Variants in PARP4 observed in about 807,000 individuals in gnomAD.
PARP4 encodes the protein poly(ADP-ribose) polymerase family member 4.
Under a neutral mutation model 187.7 loss-of-function variants are expected in PARP4, and 120 were observed. That is an observed-to-expected ratio of 0.64 (90% CI 0.55 to 0.74). The LOEUF is 0.74. Ranked by LOEUF, PARP4 falls within the 30% of genes least tolerant of loss-of-function variation. The pLI is 0.00. For synonymous variants in PARP4, 654 were observed against 740.9 expected (o/e 0.88, Z 1.90); for missense variants, 1,836 against 2,070.5 (o/e 0.89, Z 2.20).
chr13:24,457,793 A>AAAAAAAAAAAAAAAAAAAAAG (rs1566000254), intron 20 of PARP4, among the ~76,000 whole-genome samples: 8 of 148,510 alleles, frequency 5.4e-5, no homozygotes, highest in African/African-American at 2.0e-4. Context: ...AAAAAAAAAA[A>AAAAAAAAAAAAAAAAAAAAAG]AAAGAAAAAA....
intron 14 of PARP4, 122 bp from the exon 15 acceptor site, chr13:24,475,718 A>G (rs1442203797): frequency 1.2e-5 from 12 of 970,194 alleles, no homozygotes; most frequent in Non-Finnish European, 1.9e-5. Flanking sequence ...GGCAAATAGC[A>G]TTTTATGATT....
chr13:24,493,121 CTTT>C (rs1214903894), intron 8 of PARP4, among the ~76,000 whole-genome samples: 1 of 152,190 alleles, frequency 6.6e-6, no homozygotes, highest in South Asian at 2.1e-4. Flanking sequence ...GGGGTATCTT[CTTT>C]TGTCTGCTCT....
At chr13:24,499,649 C>T (rs781311531) in intron 4 of PARP4, among the ~76,000 whole-genome samples, 26 of 152,220 alleles carry the variant, frequency 1.7e-4, no homozygotes, top group African/African-American at 4.8e-4. Flanking sequence ...GGTCTCCACG[C>T]GGCAGAGGCA....
At chr13:24,491,919 G>A (rs1343813000) in intron 9 of PARP4, among the ~76,000 whole-genome samples, 2 of 152,196 alleles carry the variant, frequency 1.3e-5, no homozygotes, top group South Asian at 2.1e-4. Context: ...ATGAACTACT[G>A]CAGCCATCTG....
intron 27 of PARP4, among the ~76,000 whole-genome samples, chr13:24,444,268 T>C (rs1488065807): frequency 6.6e-6 from 1 of 152,292 alleles, no homozygotes; most frequent in Non-Finnish European, 1.5e-5. Flanking sequence ...CAACTTGCTG[T>C]GACTTTATGG....
chr13:24,462,920 T>TATA (rs1310061075), intron 17 of PARP4, among the ~76,000 whole-genome samples: 1 of 152,126 alleles, frequency 6.6e-6, no homozygotes, highest in Non-Finnish European at 1.5e-5. Flanking sequence ...CGGTCTAATG[T>TATA]ATATGTATTG....
chr13:24,435,194 A>G lies in PARP4; in HGVS notation c.3947T>C (p.Phe1316Ser), dbSNP rs1408770355. The G allele has an allele frequency of 6.2e-7, 1 of 1,614,210 alleles. No individual in the cohort carries two copies. The highest frequency in any genetic ancestry group is 1.7e-5 in the Admixed American group (1 of 60,028). ...SPWETSTSSF[F>S]PILAPAVGSY... ...ACCAACGGCCGGAGCCAAAATAGGAAAAAAGCTAGAAGTAGATGTTTCCCA... is the reference window on the plus strand; with the variant it reads ...ACCAACGGCCGGAGCCAAAATAGGAGAAAAGCTAGAAGTAGATGTTTCCCA... The change falls in exon 31 of 34, where the codon TTT (phenylalanine) becomes TCT (serine). Residue 1316 changes from phenylalanine to serine, a missense_variant. Transcript: ENST00000381989.
At position 24,460,475 on chromosome 13, in the gene PARP4, C is replaced by CTCTGCTGCACGGGTGGGTTCTGCTGCAT. The variant is rs1566001767; in HGVS notation, c.2134-340_2134-339insATGCAGCAGAACCCACCCGTGCAGCAGA. 4.7e-5 allele frequency among the ~76,000 whole-genome samples: 6 copies of CTCTGCTGCACGGGTGGGTTCTGCTGCAT among 126,540 alleles called. No homozygotes were observed. The East Asian group carries it at 7.0e-4, about 15-fold the overall frequency. The allele number at this position is 126,540 out of a possible 152,430, so 83.0% of individuals were successfully genotyped here. A position where few individuals can be genotyped will look rare whatever the true frequency, so the allele number is the denominator to read the frequency against. On this transcript the variant is annotated intron_variant, in intron 17 of 33. Coordinates refer to ENST00000381989, the MANE Select transcript of PARP4 (RefSeq NM_006437.4). ...TGCTGCACGGGTGGGCTCTGCTGCACGGGTGGGCTCTGCTGCATGGGTGGG... is the reference window on the plus strand; with the variant it reads ...TGCTGCACGGGTGGGCTCTGCTGCACTCTGCTGCACGGGTGGGTTCTGCTGCATGGGTGGGCTCTGCTGCATGGGTGGG...
chr13:24,455,442 G>A (rs896853675), intron 21 of PARP4, among the ~76,000 whole-genome samples: 8 of 137,006 alleles, frequency 5.8e-5, no homozygotes, highest in African/African-American at 8.1e-5. Flanking sequence ...TCAAGAATTA[G>A]TATCTGAAAA....
At position 24,484,676 on chromosome 13, in the gene PARP4, C is replaced by A. The variant is rs376273274; in HGVS notation, c.1425G>T (p.Gly475=). 1.4e-4 allele frequency: 221 copies of A among 1,610,654 alleles called. No homozygotes were observed. Among genetic ancestry groups the A allele is most frequent in the Non-Finnish European group, 1.8e-4 (216 of 1,176,930 alleles). Residue 475 remains glycine, a synonymous_variant, in exon 12 of 34, where the codon GGG becomes GGT. Transcript: ENST00000381989. ...QRTDVGNLGS[G]IYFSDSLSTS... Reference sequence around the variant, plus strand: ...ACCTGAGCGAATCACTGAAATAAATCCCACTTCCAAGGTTTCCGACGTCTG... The same window carrying A: ...ACCTGAGCGAATCACTGAAATAAATACCACTTCCAAGGTTTCCGACGTCTG...
At chr13:24,480,322 T>C (rs1009107238) in intron 12 of PARP4, among the ~76,000 whole-genome samples, 2 of 152,204 alleles carry the variant, frequency 1.3e-5, no homozygotes, top group African/African-American at 4.8e-5. Context: ...GGCCTCCCTA[T>C]TCCCTGAGAT....
intron 19 of PARP4, 31 bp from the exon 20 acceptor site, chr13:24,459,153 T>C (rs2137481836): frequency 6.3e-7 from 1 of 1,579,514 alleles, no homozygotes; most frequent in Non-Finnish European, 8.6e-7. Context: ...GTTGTCTTAG[T>C]CTACGATCTT....
At chr13:24,493,818 T>G (rs1333039315) in intron 7 of PARP4, 85 bp from the exon 8 acceptor site, 5 of 1,335,048 alleles carry the variant, frequency 3.7e-6, no homozygotes, top group Non-Finnish European at 5.3e-6. Context: ...AACAGAGGTG[T>G]GAGGAGAAAT....
chr13:24,441,923 G>A lies in PARP4; in HGVS notation c.3589C>T (p.Leu1197Phe). 4.3e-6 allele frequency: 7 copies of A among 1,609,998 alleles called. No homozygotes were observed. Among genetic ancestry groups the A allele is most frequent in the Non-Finnish European group, 5.9e-6 (7 of 1,178,178 alleles). ...AAGTCTACATCTTCTTTGGCAATAAGTTCAGAAACTTTTGGAATATCAGGA... is the reference window on the plus strand; with the variant it reads ...AAGTCTACATCTTCTTTGGCAATAAATTCAGAAACTTTTGGAATATCAGGA... The part of the protein sequence containing the change: ...PFPDIPKVSE[L>F]IAKEDVDFLP... Residue 1197 changes from leucine to phenylalanine, a missense_variant, in exon 30 of 34, where the codon CTT becomes TTT. This residue lies in a region of PARP4 where 47 missense variants were observed against 99.5 expected (regional missense o/e 0.47). Transcript: ENST00000381989.
At chr13:24,505,398 G>A (rs1869578920) in intron 1 of PARP4, among the ~76,000 whole-genome samples, 1 of 147,694 alleles carries the variant, frequency 6.8e-6, no homozygotes, top group Non-Finnish European at 1.5e-5. Flanking sequence ...TGTACAATAA[G>A]GGTTCTGGCC....
intron 14 of PARP4, among the ~76,000 whole-genome samples, chr13:24,477,251 A>G (rs771735454): frequency 1.3e-5 from 2 of 152,194 alleles, no homozygotes; most frequent in African/African-American, 4.8e-5. Flanking sequence ...ATACCAAGGC[A>G]GGAGGATCGC....
chr13:24,499,259 G>C, intron 5 of PARP4, 42 bp downstream of exon 5: 1 of 1,416,888 alleles, frequency 7.1e-7, no homozygotes, highest in South Asian at 1.4e-5. Flanking sequence ...TCAAACAGGT[G>C]TGTTTTTTTT....
intron 33 of PARP4, among the ~76,000 whole-genome samples, chr13:24,423,561 A>C (rs11843470): frequency 0.43 from 64,689 of 151,184 alleles, 14,508 homozygotes; most frequent in African/African-American, 0.57. Context: ...AAAACAAAAC[A>C]AAAAAAAAGA....
Position 24,499,259 on chromosome 13 carries a change from GTGT to G in PARP4, c.477+39_477+41del, listed in dbSNP as rs902104460. The G allele has an allele frequency of 4.9e-6, 7 of 1,416,818 alleles. No individual in the cohort carries two copies. The African/African-American group carries it at 1.1e-4, about 22-fold the overall frequency. The allele number at this position is 1,416,818 out of a possible 1,614,324, so 87.8% of individuals were successfully genotyped here. A position where few individuals can be genotyped will look rare whatever the true frequency, so the allele number is the denominator to read the frequency against. On this transcript the variant is annotated intron_variant, in intron 5 of 33. Coordinates refer to ENST00000381989, the MANE Select transcript of PARP4 (RefSeq NM_006437.4). ...ACACCCAGAAGACATTCAAACAGGT[GTGT>G]TTTTTTTTTTTTTTGCTAACTAGAA... is the stretch of plus-strand genomic sequence containing the variant.
Sources: allele counts gnomAD v4.1 joint callset (sites outside exome capture counted in the v4.1 genomes callset), GRCh38; gene constraint gnomAD v4.1.1; regional missense constraint gnomAD v4.1.1; transcripts MANE v1.5; gene names NCBI Gene and HGNC (gene_info 2026-07-23, HGNC 2026-07-21).